HDAC9: variants seen among roughly 807,000 people sequenced by gnomAD.
The protein encoded by HDAC9 is histone deacetylase 9.
HDAC9 carries 41 observed loss-of-function variants against 139.4 expected under a neutral mutation model. The ratio of observed to expected loss-of-function variants is 0.29; its 90% CI spans 0.23 to 0.38. The LOEUF is 0.38. Ranked by LOEUF, HDAC9 falls within the 10% of genes least tolerant of loss-of-function variation. The pLI is 1.00. For synonymous variants in HDAC9, 517 were observed against 476.2 expected (o/e 1.09, Z -1.12); for missense variants, 1,147 against 1,297.0 (o/e 0.88, Z 1.78).
In HDAC9 at chr7:18,569,428, T is replaced by A. The variant is rs552198061; in HGVS notation, c.23-15853T>A. The stretch of plus-strand genomic sequence containing the variant: ...ATGAGCCACAGTTTCCTAACTCCTG[T>A]TCTGCATAGTTACCTTCATTATAAA... On this transcript the variant is annotated intron_variant, in intron 2 of 25. Coordinates refer to ENST00000686413, the MANE Select transcript of HDAC9 (RefSeq NM_178425.4). Among the ~76,000 whole-genome samples, 45 of 152,324 alleles carry A rather than the reference T, an allele frequency of 3.0e-4. 1 individual carries two copies. The South Asian group carries it at 9.3e-3, about 32-fold the overall frequency.
At chr7:18,965,211 A>G (rs1457077089) in intron 24 of HDAC9, among the ~76,000 whole-genome samples, 1 of 152,194 alleles carries the variant, frequency 6.6e-6, no homozygotes. Context: ...ATGTTTGTCT[A>G]TGTACAGGGA....
chr7:18,871,211 C>T (rs932027319), intron 21 of HDAC9, among the ~76,000 whole-genome samples: 2 of 152,110 alleles, frequency 1.3e-5, no homozygotes, highest in African/African-American at 4.8e-5. Flanking sequence ...TCAGCTTTGG[C>T]CATTGAAAGT....
chr7:18,861,798 A>G (rs949312870), intron 21 of HDAC9, among the ~76,000 whole-genome samples: 8 of 152,216 alleles, frequency 5.3e-5, no homozygotes, highest in African/African-American at 1.9e-4. Context: ...ACTAAATGTC[A>G]TATTTGAAAC....
intron 22 of HDAC9, among the ~76,000 whole-genome samples, chr7:18,896,010 A>G (rs1801164089): frequency 6.6e-6 from 1 of 152,122 alleles, no homozygotes; most frequent in Admixed American, 6.6e-5. Context: ...AATCAAGAAA[A>G]TCTCAAAAAG....
intron 1 of HDAC9, among the ~76,000 whole-genome samples, chr7:18,135,247 ATTTC>A (rs1211751421): frequency 1.4e-5 from 2 of 137,986 alleles, no homozygotes; most frequent in Non-Finnish European, 3.0e-5. Flanking sequence ...GTTTGCAAAA[ATTTC>A]TTTCTTTTTT....
chr7:18,377,599 AC>A (rs1229242939), intron 1 of HDAC9, among the ~76,000 whole-genome samples: 2 of 152,202 alleles, frequency 1.3e-5, no homozygotes, highest in Non-Finnish European at 2.9e-5. Flanking sequence ...AAATCTTCTA[AC>A]CAAAGTGAAT....
chr7:18,412,071 G>T (rs780394399), intron 1 of HDAC9, among the ~76,000 whole-genome samples: 1 of 151,612 alleles, frequency 6.6e-6, no homozygotes, highest in African/African-American at 2.4e-5. Flanking sequence ...CAAATGATCC[G>T]CTTGCCTTAG....
At chr7:18,371,750 G>A (rs557483701) in intron 1 of HDAC9, among the ~76,000 whole-genome samples, 1 of 152,102 alleles carries the variant, frequency 6.6e-6, no homozygotes, top group Non-Finnish European at 1.5e-5. Flanking sequence ...CTTCATAGTT[G>A]TCTAAAATGA....
chr7:18,624,952 T>C (rs1841257582), intron 6 of HDAC9, among the ~76,000 whole-genome samples: 2 of 152,034 alleles, frequency 1.3e-5, no homozygotes, highest in Non-Finnish European at 2.9e-5. Context: ...GGCCTTTCTT[T>C]AGAGAAGTTG....
chr7:18,539,077 C>T (rs1487921196), intron 2 of HDAC9, among the ~76,000 whole-genome samples: 3 of 152,172 alleles, frequency 2.0e-5, no homozygotes, highest in Non-Finnish European at 4.4e-5. Context: ...AAAGCCCCAC[C>T]TCCAAATGCT....
intron 12 of HDAC9, among the ~76,000 whole-genome samples, chr7:18,690,831 A>C (rs1472076731): frequency 2.0e-5 from 3 of 152,036 alleles, no homozygotes; most frequent in African/African-American, 7.2e-5. Flanking sequence ...CAATATTAAA[A>C]GATATATTAG....
At chr7:18,940,415 C>T (rs1189047279) in intron 23 of HDAC9, among the ~76,000 whole-genome samples, 3 of 152,134 alleles carry the variant, frequency 2.0e-5, no homozygotes, top group African/African-American at 7.2e-5. Flanking sequence ...ATATTGAAGA[C>T]ATACCAGAAG....
chr7:18,949,266 CATT>C (rs35515665), intron 23 of HDAC9: 18,636 of 195,596 alleles, frequency 0.095, 1,207 homozygotes, highest in East Asian at 0.3. Context: ...TTGTCATCAT[CATT>C]ATCTTCATTA....
At chr7:18,819,281 A>T (rs1309805923) in intron 17 of HDAC9, among the ~76,000 whole-genome samples, 1 of 152,076 alleles carries the variant, frequency 6.6e-6, no homozygotes, top group African/African-American at 2.4e-5. Flanking sequence ...CTCCATCTAA[A>T]AATAATAATA....
intron 2 of HDAC9, among the ~76,000 whole-genome samples, chr7:18,166,066 T>C (rs1484422688): frequency 6.6e-6 from 1 of 152,210 alleles, no homozygotes; most frequent in Non-Finnish European, 1.5e-5. Context: ...TAAATTGGGC[T>C]ACATCAACCC....
chr7:18,595,901 G>C (rs1380653453), intron 6 of HDAC9, among the ~76,000 whole-genome samples: 1 of 152,108 alleles, frequency 6.6e-6, no homozygotes, highest in East Asian at 1.9e-4. Context: ...CCTCTGTGAA[G>C]AATAAATAAC....
intron 2 of HDAC9, among the ~76,000 whole-genome samples, chr7:18,574,240 G>A (rs1825262903): frequency 2.0e-5 from 3 of 152,178 alleles, no homozygotes; most frequent in African/African-American, 7.2e-5. Flanking sequence ...GTGGAGAGGA[G>A]ACCCACAGTG....
Position 18,214,067 on chromosome 7 carries a change from A to G in HDAC9, c.25+51718A>G, listed in dbSNP as rs191948507. Among the ~76,000 whole-genome samples, 42 of 152,236 alleles carry G rather than the reference A, an allele frequency of 2.8e-4. 1 individual carries two copies. The East Asian group carries it at 8.1e-3, about 29-fold the overall frequency. On this transcript the variant is annotated intron_variant, in intron 2 of 12. Coordinates refer to the HDAC9 transcript ENST00000417496. The stretch of plus-strand genomic sequence containing the variant: ...ATTTACTCTTACCAGGAACTATGCT[A>G]ATCACTTTATACATTATTGCATTTA...
chr7:18,251,206 G>T (rs1292598419), intron 2 of HDAC9, among the ~76,000 whole-genome samples: 2 of 152,152 alleles, frequency 1.3e-5, no homozygotes, highest in Non-Finnish European at 2.9e-5. Flanking sequence ...GTCCTTTGCA[G>T]GGACTTGGAT....
Sources: gnomAD v4.1 joint callset for allele counts (sites outside exome capture counted in the v4.1 genomes callset) on GRCh38, gnomAD v4.1.1 for gene constraint, MANE v1.5 for transcripts, NCBI Gene and HGNC (gene_info 2026-07-23, HGNC 2026-07-21) for gene names.